BAZ1A: variants seen among roughly 807,000 people sequenced by gnomAD.
BAZ1A encodes bromodomain adjacent to zinc finger domain 1A.
In BAZ1A, 50 loss-of-function variants were observed where a neutral mutation model predicts 185.2. The observed-to-expected ratio is 0.27, with a 90% CI of 0.22 to 0.34. BAZ1A has a LOEUF of 0.34. Among genes scored for constraint, BAZ1A ranks in the 10% least tolerant of loss-of-function variants. BAZ1A has a pLI of 1.00. For synonymous variants in BAZ1A, 571 were observed against 615.6 expected, an observed-to-expected ratio of 0.93 and a Z score of 1.07; for missense variants, 1,356 against 1,839.9, an observed-to-expected ratio of 0.74 and a Z score of 4.81.
At chr14:34,787,351 C>CAA (rs918534072) in intron 12 of BAZ1A, among the ~76,000 whole-genome samples, 730 of 41,434 alleles carry the variant, frequency 0.018, 20 homozygotes, top group African/African-American at 0.051. Flanking sequence ...GACTCTGTCT[C>CAA]AAAAAAAAAA....
chr14:34,845,478 C>G (rs1348988328), intron 3 of BAZ1A: 1 of 152,098 alleles, frequency 6.6e-6, no homozygotes, highest in Non-Finnish European at 1.5e-5. Flanking sequence ...ATACTACAAG[C>G]CTCCTAGGCA....
intron 2 of BAZ1A, among the ~76,000 whole-genome samples, chr14:34,871,580 T>C (rs2042948917): frequency 6.6e-6 from 1 of 152,212 alleles, no homozygotes; most frequent in Admixed American, 6.5e-5. Context: ...GAAGACAAAA[T>C]GTGAGGCACA....
intron 12 of BAZ1A, among the ~76,000 whole-genome samples, chr14:34,788,488 G>A (rs1880636634): frequency 6.6e-6 from 1 of 151,950 alleles, no homozygotes. Context: ...ATTTTTTGTA[G>A]AGGCGGGGTT....
chr14:34,761,712 T>C, intron 24 of BAZ1A, 45 bp downstream of exon 24: 3 of 1,487,624 alleles, frequency 2.0e-6, no homozygotes, highest in Non-Finnish European at 2.7e-6. Flanking sequence ...TATTTCCAAA[T>C]TATTCAATTT....
chr14:34,804,135 G>A (rs1881726166), intron 6 of BAZ1A, among the ~76,000 whole-genome samples: 1 of 152,144 alleles, frequency 6.6e-6, no homozygotes, highest in Non-Finnish European at 1.5e-5. Flanking sequence ...AGTCTCCGGA[G>A]TAGCTGAGAT....
intron 2 of BAZ1A, among the ~76,000 whole-genome samples, chr14:34,866,638 T>C (rs573647596): frequency 1.3e-5 from 2 of 152,208 alleles, no homozygotes; most frequent in South Asian, 4.1e-4. Context: ...ATAACAGTTA[T>C]ACATATTAAT....
intron 21 of BAZ1A, chr14:34,768,542 AC>A (rs1879001982): frequency 4.4e-6 from 1 of 229,062 alleles, no homozygotes; most frequent in African/African-American, 2.3e-5. Context: ...TTTTAAGCTT[AC>A]CCCCAAGTCC....
chr14:34,832,191 T>TACACACACACAC (rs57379319), intron 3 of BAZ1A, among the ~76,000 whole-genome samples: 35 of 96,532 alleles, frequency 3.6e-4, no homozygotes, highest in African/African-American at 5.0e-4. Context: ...TATATACATA[T>TACACACACACAC]ACACACACAC....
intron 4 of BAZ1A, among the ~76,000 whole-genome samples, chr14:34,818,586 A>T (rs1425630976): frequency 6.6e-6 from 1 of 152,226 alleles, no homozygotes; most frequent in African/African-American, 2.4e-5. Context: ...ATATAATGAC[A>T]GGTATCCTCC....
At chr14:34,799,829 C>A (rs1881410811) in intron 9 of BAZ1A, among the ~76,000 whole-genome samples, 1 of 152,104 alleles carries the variant, frequency 6.6e-6, no homozygotes. Context: ...CCAGGCTGGT[C>A]TCGAACTCCT....
At chr14:34,839,243 CTG>C (rs1385682619) in intron 3 of BAZ1A, among the ~76,000 whole-genome samples, 3 of 152,086 alleles carry the variant, frequency 2.0e-5, no homozygotes, top group African/African-American at 7.2e-5. Context: ...AGTTACATAA[CTG>C]TGTCAAATTT....
intron 3 of BAZ1A, among the ~76,000 whole-genome samples, chr14:34,851,148 C>T (rs1028982664): frequency 6.6e-6 from 1 of 151,790 alleles, no homozygotes; most frequent in African/African-American, 2.4e-5. Context: ...TCTTGGCCAA[C>T]GTAGCGAAAT....
intron 3 of BAZ1A, among the ~76,000 whole-genome samples, chr14:34,850,775 A>G (rs1283725456): frequency 6.6e-6 from 1 of 152,144 alleles, no homozygotes; most frequent in Non-Finnish European, 1.5e-5. Flanking sequence ...TTTCTCCCAG[A>G]CGGAATTAGT....
At chr14:34,765,351 A>G in intron 21 of BAZ1A, 83 bp from the exon 22 acceptor site, 1 of 1,486,900 alleles carries the variant, frequency 6.7e-7, no homozygotes, top group Admixed American at 2.1e-5. Flanking sequence ...TAGTTTAAAT[A>G]TAGGTTAGAT....
intron 3 of BAZ1A, among the ~76,000 whole-genome samples, chr14:34,857,486 G>A (rs1269285744): frequency 6.6e-6 from 1 of 151,980 alleles, no homozygotes; most frequent in Non-Finnish European, 1.5e-5. Context: ...ATCTACTAAA[G>A]GCAAAAAATT....
intron 21 of BAZ1A, chr14:34,771,034 C>CTCTG (rs1234360489): frequency 2.0e-5 from 3 of 152,148 alleles, no homozygotes; most frequent in Admixed American, 2.0e-4. Context: ...CAGGGTCTTA[C>CTCTG]TCTGTCACCT....
At chr14:34,867,424 G>A (rs890855700) in intron 2 of BAZ1A, among the ~76,000 whole-genome samples, 7 of 151,966 alleles carry the variant, frequency 4.6e-5, no homozygotes, top group Admixed American at 1.3e-4. Context: ...GAGGTATTGA[G>A]TAGGTCACGC....
At chr14:34,843,559 TAAGA>T (rs1465674346) in intron 3 of BAZ1A, among the ~76,000 whole-genome samples, 1 of 152,162 alleles carries the variant, frequency 6.6e-6, no homozygotes, top group Non-Finnish European at 1.5e-5. Flanking sequence ...GCCCAGACTC[TAAGA>T]ACATTGCAGC....
chr14:34,807,581 A>G (rs1167135163), intron 5 of BAZ1A, 43 bp from the exon 6 acceptor site: 3 of 1,441,832 alleles, frequency 2.1e-6, no homozygotes, highest in African/African-American at 1.4e-5. Context: ...TGTTAGCATC[A>G]AAGAGTTCAA....
Sources: gnomAD v4.1 joint callset for allele counts (sites outside exome capture counted in the v4.1 genomes callset) on GRCh38, gnomAD v4.1.1 for gene constraint, MANE v1.5 for transcripts, NCBI Gene and HGNC (gene_info 2026-07-23, HGNC 2026-07-21) for gene names.